The following PLXNB1 variants were observed in gnomAD, a reference collection of about 807,000 sequenced individuals.
The protein encoded by PLXNB1 is plexin B1.
A neutral mutation model predicts 209.4 loss-of-function variants in PLXNB1; 106 were observed. The observed-to-expected ratio is 0.51, with a 90% confidence interval of 0.43 to 0.59. The LOEUF (loss-of-function observed/expected upper bound fraction) is 0.59, where lower values mean the gene tolerates loss of function less well. Ranked by LOEUF, PLXNB1 falls within the 20% of genes least tolerant of loss-of-function variation. PLXNB1 has a pLI of 0.00. For missense variants in PLXNB1, 2,357 were observed against 2,853.2 expected (o/e 0.83, Z 3.96); for synonymous variants, 1,167 against 1,183.2 (o/e 0.99, Z 0.28).
rs2037731891 is a variant in PLXNB1, at chr3:48,412,218, G to A, written c.5100+20C>T. ...CTGACCCTCCCTGGACAGGAGCCCT[G>A]TCCACCTCTGCCCCCTCACCCTCAC... is the stretch of plus-strand genomic sequence containing the variant. On this transcript the variant is annotated intron_variant, in intron 27 of 37. Coordinates refer to ENST00000296440, the MANE Select transcript of PLXNB1 (RefSeq NM_001130082.3). 2 of 1,612,660 alleles carry A rather than the reference G, an allele frequency of 1.2e-6. No individual in the cohort carries two copies. Among genetic ancestry groups the A allele is most frequent in the African/African-American group, 1.3e-5 (1 of 75,024 alleles).
At position 48,413,834 on chromosome 3, in the gene PLXNB1, C is replaced by A. The variant is rs767788609; in HGVS notation, c.4387-16G>T. 1.2e-6 allele frequency: 2 copies of A among 1,611,754 alleles called. No homozygotes were observed. The highest frequency in any genetic ancestry group is 1.1e-5 in the South Asian group (1 of 90,960). On this transcript the variant is annotated splice_polypyrimidine_tract_variant and intron_variant, in intron 22 of 37. Coordinates refer to ENST00000296440, the MANE Select transcript of PLXNB1 (RefSeq NM_001130082.3). This position sits in a 1 kb window ranked among gnomAD's most constrained non-coding sequence, Gnocchi z 5.4. Reference sequence around the variant, plus strand: ...CCATCTGCACCTGTGTCAGGAGCCACCTGTGAGCAAGGGTTTGGCCCAGGT... The same window carrying A: ...CCATCTGCACCTGTGTCAGGAGCCAACTGTGAGCAAGGGTTTGGCCCAGGT...
chr3:48,414,082 G>A lies in PLXNB1; in HGVS notation c.4210-11C>T, dbSNP rs769822642. The A allele has an allele frequency of 6.2e-6, 10 of 1,613,300 alleles. No individual in the cohort carries two copies. The Admixed American group carries it at 6.7e-5, about 11-fold the overall frequency. ...GTCCAGGTTCTCCCCCTGGAACAGA[G>A]GGTCACCGATCAGTCACTCAGGACC... On this transcript the variant is annotated splice_polypyrimidine_tract_variant and intron_variant, in intron 21 of 37. Coordinates refer to ENST00000296440, the MANE Select transcript of PLXNB1 (RefSeq NM_001130082.3).
At position 48,413,778 on chromosome 3, in the gene PLXNB1, T is replaced by C; in HGVS notation, c.4427A>G (p.Gln1476Arg). Residue 1476 changes from glutamine to arginine, a missense_variant, in exon 23 of 38, where the codon CAG (glutamine) becomes CGG (arginine). Physicochemically the swap from Gln to Arg is conservative, Grantham distance 43. This residue lies in a region of PLXNB1 where 743 missense variants were observed against 896.2 expected (regional missense o/e 0.83). Transcript: ENST00000296440. This position sits in a 1 kb window ranked among gnomAD's most constrained non-coding sequence, Gnocchi z 5.4. Reference protein sequence around the residue: ...GNLRFSLGHVQYDGESPGAFP... With the variant: ...GNLRFSLGHVRYDGESPGAFP... The stretch of plus-strand genomic sequence containing the variant: ...AGCCCCAGGGCTCTCGCCGTCATAC[T>C]GCACGTGACCCAGGGAGAAGCGCAA... 2 of 1,613,888 alleles carry C rather than the reference T, an allele frequency of 1.2e-6. No individual in the cohort carries two copies. The highest frequency in any genetic ancestry group is 1.7e-6 in the Non-Finnish European group (2 of 1,180,010).
chr3:48,421,228 C>T lies in PLXNB1; in HGVS notation c.1810G>A (p.Asp604Asn). ...SEAPVLPRGA[D>N]YVSVSVELRF... ...CAGGCTGGCCCATTCTCTCACCCACCGGCTCCTCTCGGCAGCACTGGGGCC... is the reference window on the plus strand; with the variant it reads ...CAGGCTGGCCCATTCTCTCACCCACTGGCTCCTCTCGGCAGCACTGGGGCC... The change falls in exon 8 of 38, where the codon GAC (aspartate) becomes AAC (asparagine). Residue 604 changes from aspartate to asparagine, a missense_variant and splice_region_variant. Asp to Asn is a conservative substitution (Grantham distance 23). Around this residue, in one of 7 missense-constraint regions of PLXNB1, gnomAD observed 214 missense variants for 297.1 expected, o/e 0.72. Transcript: ENST00000296440. 7 of 1,612,792 alleles carry T rather than the reference C, an allele frequency of 4.3e-6. No homozygotes were observed. The highest frequency in any genetic ancestry group is 3.4e-4 in the Middle Eastern group (2 of 5,954).
In PLXNB1 at chr3:48,419,976, G is replaced by T. The variant is rs769441795; in HGVS notation, c.2310C>A (p.Thr770=). 2 of 1,591,110 alleles carry T rather than the reference G, an allele frequency of 1.3e-6. No individual in the cohort carries two copies. Among genetic ancestry groups the T allele is most frequent in the South Asian group, 1.1e-5 (1 of 87,664 alleles). The part of the protein sequence containing the change: ...SPPSPQNGPG[T]AVPAPTDFRP... Reference sequence around the variant, plus strand: ...TGAAGTCAGTGGGGGCAGGGACAGCGGTTCCAGGTCCATTTTGGGGGCTGG... The same window carrying T: ...TGAAGTCAGTGGGGGCAGGGACAGCTGTTCCAGGTCCATTTTGGGGGCTGG... Residue 770 remains threonine, a synonymous_variant, in exon 11 of 38, where the codon ACC becomes ACA. Transcript: ENST00000296440. This position sits in a 1 kb window ranked among gnomAD's most constrained non-coding sequence, Gnocchi z 5.7.
Position 48,412,761 on chromosome 3 carries a change from C to T in PLXNB1, c.4835G>A (p.Ser1612Asn). ...GGGTACCTTGGTGAGGAAGAGCTTGCTGTTGAGCAGGTTAGAGAGCTGCCC... is the reference window on the plus strand; with the variant it reads ...GGGTACCTTGGTGAGGAAGAGCTTGTTGTTGAGCAGGTTAGAGAGCTGCCC... ...GLGQLSNLLN[S>N]KLFLTKFIHT... The change falls in exon 25 of 38, where the codon AGC (serine) becomes AAC (asparagine). Residue 1612 changes from serine to asparagine, a missense_variant. By Grantham distance (46) the Ser-to-Asn change is conservative. This residue lies in a region of PLXNB1 where 743 missense variants were observed against 896.2 expected (regional missense o/e 0.83). Coordinates refer to ENST00000296440, the MANE Select transcript of PLXNB1 (RefSeq NM_001130082.3). The T allele has an allele frequency of 6.2e-7, 1 of 1,613,026 alleles. No homozygotes were observed. Among genetic ancestry groups the T allele is most frequent in the Non-Finnish European group, 8.5e-7 (1 of 1,179,676 alleles).
rs375675200 is a variant in PLXNB1 at position 48,423,808 on chromosome 3, G to A, written c.804C>T (p.Cys268=). Reference sequence around the variant, plus strand: ...GGATCAGCCCGTAGCGGCCACCTTCGCAGGCCAGAGGCAACTCCACATAGG... The same window carrying A: ...GGATCAGCCCGTAGCGGCCACCTTCACAGGCCAGAGGCAACTCCACATAGG... ...YYSYVELPLA[C]EGGRYGLIQA... Residue 268 remains cysteine (C), a synonymous_variant, in exon 3 of 38, where the codon TGC becomes TGT. Transcript: ENST00000296440. 7.4e-6 allele frequency: 12 copies of A among 1,613,926 alleles called. No homozygotes were observed. Among genetic ancestry groups the A allele is most frequent in the East Asian group, 4.5e-5 (2 of 44,882 alleles).
chr3:48,413,703 G>A lies in PLXNB1; in HGVS notation c.4502C>T (p.Ala1501Val), dbSNP rs1440917861. 1 of 1,613,586 alleles carries A rather than the reference G, an allele frequency of 6.2e-7. No homozygotes were observed. Among genetic ancestry groups the A allele is most frequent in the Non-Finnish European group, 8.5e-7 (1 of 1,179,966 alleles). ...GAGGACAATGATGATGACACCCAGAGCCAGAAGAGAGGTGCCCACCCCCAA... is the reference window on the plus strand; with the variant it reads ...GAGGACAATGATGATGACACCCAGAACCAGAAGAGAGGTGCCCACCCCCAA... Reference protein sequence around the residue: ...VGLGVGTSLLALGVIIIVLMY... With the variant: ...VGLGVGTSLLVLGVIIIVLMY... Residue 1501 changes from alanine (A) to valine (V), a missense_variant, in exon 23 of 38, where the codon GCT becomes GTT. Physicochemically the swap from Ala to Val is moderately conservative, Grantham distance 64. Transcript: ENST00000296440. This position sits in a 1 kb window ranked among gnomAD's most constrained non-coding sequence, Gnocchi z 5.4.
Position 48,418,481 on chromosome 3 carries a change from CG to C in PLXNB1, c.3016del (p.Arg1006ValfsTer47). On this transcript the variant is annotated frameshift_variant, in exon 14 of 38. Transcript: ENST00000296440. LOFTEE classifies it high-confidence loss of function. The surrounding 1 kb of genome is among the most constrained non-coding windows in gnomAD (Gnocchi z 6.6). Reference sequence around the variant, plus strand: ...CCCCTCAGCACTGTCCACACGCAGACGGCCGGCCCGACGCAGAAACAGCCCC... The same window carrying C: ...CCCCTCAGCACTGTCCACACGCAGACGCCGGCCCGACGCAGAAACAGCCCC... ...RVGLFLRRAG[R>X]LRVDSAEGLH... The C allele has an allele frequency of 1.2e-6, 2 of 1,612,740 alleles. No individual in the cohort carries two copies. The highest frequency in any genetic ancestry group is 1.7e-6 in the Non-Finnish European group (2 of 1,179,576).
chr3:48,412,612 GTGGA>G lies in PLXNB1; in HGVS notation c.4859_4862del (p.Ile1620ThrfsTer54). The G allele has an allele frequency of 1.2e-6, 2 of 1,613,372 alleles. No homozygotes were observed. Among genetic ancestry groups the G allele is most frequent in the South Asian group, 2.2e-5 (2 of 91,084 alleles). ...AAAAGGTGCGCTGGCTCTCCAGCGTGTGGATGAACTGCAGCCAAAGAGAAGGGAT... is the reference window on the plus strand; with the variant it reads ...AAAAGGTGCGCTGGCTCTCCAGCGTGTGAACTGCAGCCAAAGAGAAGGGAT... On this transcript the variant is annotated frameshift_variant, in exon 26 of 38. Coordinates refer to ENST00000296440, the MANE Select transcript of PLXNB1 (RefSeq NM_001130082.3). LOFTEE classifies it high-confidence loss of function.
Position 48,405,897 on chromosome 3 carries a change from C to A in PLXNB1, c.6229-99G>T. The A allele has an allele frequency of 2.2e-6, 2 of 906,272 alleles. No homozygotes were observed. Among genetic ancestry groups the A allele is most frequent in the South Asian group, 1.4e-5 (1 of 73,058 alleles). 56.1% of individuals were successfully genotyped at this position (906,272 alleles called of 1,614,324 possible). A position where few individuals can be genotyped will look rare whatever the true frequency, so the allele number is the denominator to read the frequency against. ...AGGGAAGGGCTGGGGGAGAAGGGGA[C>A]CTGAGAGGTAGAGAATGGGATGGGC... On this transcript the variant is annotated intron_variant, in intron 36 of 37. Coordinates refer to ENST00000296440, the MANE Select transcript of PLXNB1 (RefSeq NM_001130082.3). The surrounding 1 kb of genome is among the most constrained non-coding windows in gnomAD (Gnocchi z 5.0).
Position 48,417,212 on chromosome 3 carries a change from T to C in PLXNB1, c.3374+699A>G, listed in dbSNP as rs2038158698. Among the ~76,000 whole-genome samples, 1 of 152,226 alleles carries C rather than the reference T, an allele frequency of 6.6e-6. No homozygotes were observed. The highest frequency in any genetic ancestry group is 1.5e-5 in the Non-Finnish European group (1 of 68,020). ...CTCCGTGCTCCAGGAGAGTGGTTCC[T>C]TGTTTCAAATACAGATTTGGGGGCC... is the stretch of plus-strand genomic sequence containing the variant. On this transcript the variant is annotated intron_variant, in intron 16 of 37. Transcript: ENST00000296440. This position sits in a 1 kb window ranked among gnomAD's most constrained non-coding sequence, Gnocchi z 4.4.
In PLXNB1 at chr3:48,410,505, A is replaced by C. The variant is rs1184156604; in HGVS notation, c.5470T>G (p.Ser1824Ala). ...CGCCTCCACAGACCCTGGACCTCAG[A>C]AGTGACATCCTCGTCAGAAAGAATG... ...HLILSDEDVT[S>A]EVQGLWRRLN... Residue 1824 changes from serine (S) to alanine (A), a missense_variant, in exon 30 of 38, where the codon TCT becomes GCT. This residue lies in a region of PLXNB1 where 414 missense variants were observed against 520.5 expected (regional missense o/e 0.80). Coordinates refer to ENST00000296440, the MANE Select transcript of PLXNB1 (RefSeq NM_001130082.3). The surrounding 1 kb of genome is among the most constrained non-coding windows in gnomAD (Gnocchi z 6.4). 1 of 1,613,910 alleles carries C rather than the reference A, an allele frequency of 6.2e-7. No homozygotes were observed. The highest frequency in any genetic ancestry group is 1.7e-5 in the Admixed American group (1 of 60,010).
chr3:48,413,931 G>A lies in PLXNB1; in HGVS notation c.4350C>T (p.Ala1450=). 1 of 1,612,352 alleles carries A rather than the reference G, an allele frequency of 6.2e-7. No individual in the cohort carries two copies. The highest frequency in any genetic ancestry group is 8.5e-7 in the Non-Finnish European group (1 of 1,179,166). Residue 1450 remains alanine, a synonymous_variant, in exon 22 of 38, where the codon GCC becomes GCT. Transcript: ENST00000296440. The surrounding 1 kb of genome is among the most constrained non-coding windows in gnomAD (Gnocchi z 5.4). ...GCAAAGAGTCAGGTGCCTCTCGGAGGGCATGGTGCCGTGGCAGGGGCTGCT... is the reference window on the plus strand; with the variant it reads ...GCAAAGAGTCAGGTGCCTCTCGGAGAGCATGGTGCCGTGGCAGGGGCTGCT... ...PVEQPLPRHH[A]LREAPDSLPE...
rs1364144854 is a variant in PLXNB1 at position 48,410,144 on chromosome 3, C to T, written c.5606-67G>A. The T allele has an allele frequency of 1.7e-5, 25 of 1,505,246 alleles. No homozygotes were observed. The highest frequency in any genetic ancestry group is 2.1e-5 in the Non-Finnish European group (23 of 1,117,086). 93.2% of individuals were successfully genotyped at this position (1,505,246 alleles called of 1,614,324 possible). A position where few individuals can be genotyped will look rare whatever the true frequency, so the allele number is the denominator to read the frequency against. On this transcript the variant is annotated intron_variant, in intron 31 of 37. Transcript: ENST00000296440. This position sits in a 1 kb window ranked among gnomAD's most constrained non-coding sequence, Gnocchi z 6.4. ...ACCTCCCCAGGCCCCCTGTTTCTTG[C>T]CAGCTCTCCCAGGGGTGGGGGCACC...
In PLXNB1 at chr3:48,412,296, G is replaced by C; in HGVS notation, c.5042C>G (p.Thr1681Ser). The stretch of plus-strand genomic sequence containing the variant: ...GTTGGTGAGCAGCTTCTCCACCACA[G>C]TCTCTGTCCTGAGATGATGGGAAAG... ...NPKLMLRRTE[T>S]VVEKLLTNWM... is the part of the protein sequence containing the mutation. The change falls in exon 27 of 38, where the codon ACT becomes AGT. Residue 1681 changes from threonine to serine, a missense_variant. By Grantham distance (58) the Thr-to-Ser change is moderately conservative. Coordinates refer to ENST00000296440, the MANE Select transcript of PLXNB1 (RefSeq NM_001130082.3). The C allele has an allele frequency of 6.2e-7, 1 of 1,614,112 alleles. No individual in the cohort carries two copies.
intron 37 of PLXNB1, 98 bp from the exon 38 acceptor site, chr3:48,404,688 G>T: frequency 4.0e-6 from 3 of 757,572 alleles, no homozygotes; most frequent in Non-Finnish European, 6.4e-6. Context: ...CATGAGTGGG[G>T]TAGGAGGCCA....
Position 48,422,125 on chromosome 3 carries a change from C to T in PLXNB1, c.1500G>A (p.Gly500=). Residue 500 remains glycine, a synonymous_variant, in exon 6 of 38, where the codon GGG becomes GGA. Transcript: ENST00000296440. ...SCLAHRDPYC[G]WCVLLGRCSR... The stretch of plus-strand genomic sequence containing the variant: ...CTGACCTGCCAAGGAGCACGCACCA[C>T]CCACAGTATGGGTCCCTGTGAGCAA... 6.2e-7 allele frequency: 1 copy of T among 1,614,044 alleles called. No homozygotes were observed. The highest frequency in any genetic ancestry group is 1.1e-5 in the South Asian group (1 of 91,082).
intron 34 of PLXNB1, among the ~76,000 whole-genome samples, chr3:48,407,944 T>C (rs746854939): frequency 5.3e-5 from 8 of 152,236 alleles, no homozygotes; most frequent in Non-Finnish European, 8.8e-5. Context: ...ATAGGCATGA[T>C]GACAGCATGT....
Sources: allele counts gnomAD v4.1 joint callset (sites outside exome capture counted in the v4.1 genomes callset), GRCh38; gene constraint gnomAD v4.1.1; regional missense constraint gnomAD v4.1.1; non-coding constraint Gnocchi (gnomAD v3.1); transcripts MANE v1.5; gene names NCBI Gene and HGNC (gene_info 2026-07-23, HGNC 2026-07-21).